Variants in ARHGEF3 observed in about 807,000 individuals in gnomAD.
ARHGEF3 encodes Rho guanine nucleotide exchange factor 3.
In ARHGEF3, 28 loss-of-function variants were observed where a neutral mutation model predicts 63.2. That is an observed-to-expected ratio of 0.44 (90% confidence interval 0.33 to 0.61). ARHGEF3 has a LOEUF of 0.61. Ranked by LOEUF, ARHGEF3 falls within the 20% of genes least tolerant of loss-of-function variation. The probability of loss-of-function intolerance (pLI) is 0.03; values close to 1 mark genes in which losing one functional copy is unlikely to be tolerated. For missense variants in ARHGEF3, 533 were observed against 659.3 expected, an observed-to-expected ratio of 0.81 and a Z score of 2.10; for synonymous variants, 266 against 254.2, an observed-to-expected ratio of 1.05 and a Z score of -0.44.
chr3:57,010,182 T>C lies in ARHGEF3; in HGVS notation c.62+24906A>G, dbSNP rs184523958. Among the ~76,000 whole-genome samples, 289 of 152,222 alleles carry C rather than the reference T, an allele frequency of 1.9e-3. 2 individuals are homozygous for C. Among genetic ancestry groups the C allele is most frequent in the African/African-American group, 5.0e-3 (209 of 41,528 alleles). On this transcript the variant is annotated intron_variant, in intron 2 of 12. Coordinates refer to the ARHGEF3 transcript ENST00000338458. ...ATTAAAAACCACAGTGGGCCGGGCG[T>C]GGTGGCTCACGCCTGTAATCCCAGC...
intron 2 of ARHGEF3, among the ~76,000 whole-genome samples, chr3:56,987,765 C>T (rs13091176): frequency 0.14 from 21,044 of 152,226 alleles, 1,946 homozygotes; most frequent in Non-Finnish European, 0.2. Flanking sequence ...AAGAGACCAC[C>T]TCAGGAACAT....
At chr3:57,063,121 G>A (rs1705322621) in intron 1 of ARHGEF3, among the ~76,000 whole-genome samples, 1 of 152,226 alleles carries the variant, frequency 6.6e-6, no homozygotes, top group South Asian at 2.1e-4. Context: ...GCAGATATTG[G>A]GAGAGGTGCA....
chr3:56,993,549 A>C (rs1701846566), intron 2 of ARHGEF3, among the ~76,000 whole-genome samples: 1 of 151,042 alleles, frequency 6.6e-6, no homozygotes, highest in African/African-American at 2.4e-5. Flanking sequence ...TAATTTTTAA[A>C]TTTTTTGTAG....
At chr3:57,057,969 T>C (rs1336356019) in intron 1 of ARHGEF3, among the ~76,000 whole-genome samples, 1 of 152,226 alleles carries the variant, frequency 6.6e-6, no homozygotes, top group South Asian at 2.1e-4. Context: ...GCAACTCTGA[T>C]AAAATTTCAG....
chr3:56,840,365 C>T (rs1434371234), intron 4 of ARHGEF3, among the ~76,000 whole-genome samples: 1 of 152,196 alleles, frequency 6.6e-6, no homozygotes, highest in Non-Finnish European at 1.5e-5. Flanking sequence ...TCTGCAGGAT[C>T]CCAGAGTTTC....
chr3:56,958,990 G>C (rs1306067775), intron 2 of ARHGEF3: 9 of 1,255,782 alleles, frequency 7.2e-6, no homozygotes, highest in Non-Finnish European at 9.1e-6. Context: ...GATGCCTCAA[G>C]AAATGGCCCA....
At chr3:57,021,870 TTA>T (rs1703274533) in intron 2 of ARHGEF3, among the ~76,000 whole-genome samples, 1 of 152,090 alleles carries the variant, frequency 6.6e-6, no homozygotes, top group Non-Finnish European at 1.5e-5. Context: ...GATGATACAA[TTA>T]TATGTCTGGA....
chr3:56,998,158 T>C (rs1269510816), intron 2 of ARHGEF3, among the ~76,000 whole-genome samples: 2 of 152,178 alleles, frequency 1.3e-5, no homozygotes, highest in Non-Finnish European at 2.9e-5. Context: ...GCTTCCTGCA[T>C]AGAGACAATT....
intron 1 of ARHGEF3, among the ~76,000 whole-genome samples, chr3:56,791,343 G>A (rs2037067903): frequency 6.6e-6 from 1 of 152,102 alleles, no homozygotes; most frequent in Non-Finnish European, 1.5e-5. Flanking sequence ...GGAGGCTGAG[G>A]TGGGTGGGAG....
intron 2 of ARHGEF3, among the ~76,000 whole-genome samples, chr3:57,017,712 A>G (rs951243064): frequency 2.6e-5 from 4 of 152,200 alleles, no homozygotes; most frequent in Non-Finnish European, 5.9e-5. Context: ...ACGGCTGCCC[A>G]AGGATGAGTC....
intron 3 of ARHGEF3, among the ~76,000 whole-genome samples, chr3:56,942,967 TA>T (rs1200592077): frequency 6.6e-6 from 1 of 152,224 alleles, no homozygotes; most frequent in Non-Finnish European, 1.5e-5. Context: ...AGTTTGAAGC[TA>T]ACAGAGGTTG....
At chr3:56,796,247 G>A (rs1026595796) in intron 1 of ARHGEF3, among the ~76,000 whole-genome samples, 12 of 152,302 alleles carry the variant, frequency 7.9e-5, no homozygotes, top group African/African-American at 2.9e-4. Context: ...TCTTTCAGTA[G>A]TTATGAAAAC....
intron 2 of ARHGEF3, among the ~76,000 whole-genome samples, chr3:56,992,407 A>AAAAAAAAAAAAAAAAAC (rs1553799653): frequency 8.6e-6 from 1 of 116,178 alleles, no homozygotes. Flanking sequence ...AAAAAAAAAA[A>AAAAAAAAAAAAAAAAAC]AAAAAAACAG....
At chr3:56,760,991 T>C (rs7618475) in intron 2 of ARHGEF3, among the ~76,000 whole-genome samples, 6,104 of 152,242 alleles carry the variant, frequency 0.04, 390 homozygotes, top group African/African-American at 0.14. Flanking sequence ...CAACCATTTG[T>C]CCAGGTGAGG....
intron 1 of ARHGEF3, among the ~76,000 whole-genome samples, chr3:56,784,134 C>T (rs1409131654): frequency 6.6e-6 from 1 of 152,240 alleles, no homozygotes; most frequent in Non-Finnish European, 1.5e-5. Flanking sequence ...CCTGGCTCCA[C>T]ATCTGCCTTC....
chr3:56,867,905 C>A (rs1284584003), intron 4 of ARHGEF3, among the ~76,000 whole-genome samples: 2 of 152,198 alleles, frequency 1.3e-5, no homozygotes, highest in Non-Finnish European at 2.9e-5. Flanking sequence ...GCATGACCAT[C>A]TGGAGGAAGT....
intron 1 of ARHGEF3, among the ~76,000 whole-genome samples, chr3:56,781,010 C>G (rs1269323751): frequency 6.6e-6 from 1 of 152,172 alleles, no homozygotes. Flanking sequence ...AAGAGTCACA[C>G]TAGTTTAGAG....
intron 2 of ARHGEF3, among the ~76,000 whole-genome samples, chr3:56,989,054 A>G (rs1403849686): frequency 5.9e-5 from 9 of 152,186 alleles, no homozygotes; most frequent in Non-Finnish European, 1.3e-4. Flanking sequence ...GGAGAAAGAC[A>G]GCACCGATTG....
At chr3:56,776,412 G>C (rs1559930211) in intron 1 of ARHGEF3, among the ~76,000 whole-genome samples, 1 of 152,206 alleles carries the variant, frequency 6.6e-6, no homozygotes, top group Admixed American at 6.5e-5. Context: ...AGCCGTTGCT[G>C]TGTGATTTAG....
Sources: allele counts gnomAD v4.1 joint callset (sites outside exome capture counted in the v4.1 genomes callset), GRCh38; gene constraint gnomAD v4.1.1; transcripts MANE v1.5; gene names NCBI Gene and HGNC (gene_info 2026-07-23, HGNC 2026-07-21).